The following ZBED4 variants were observed in gnomAD, a reference collection of about 807,000 sequenced individuals.
The protein encoded by ZBED4 is zinc finger BED domain-containing protein 4.
In ZBED4, 4 loss-of-function variants were observed where a neutral mutation model predicts 15.5. The ratio of observed to expected loss-of-function variants is 0.26; its 90% CI spans 0.13 to 0.59. The LOEUF (loss-of-function observed/expected upper bound fraction) is 0.59. Ranked by LOEUF, ZBED4 falls within the 20% of genes least tolerant of loss-of-function variation. The probability of loss-of-function intolerance (pLI) is 0.90; values close to 1 mark genes in which losing one functional copy is unlikely to be tolerated. For missense variants in ZBED4, 1,323 were observed against 1,461.8 expected (o/e 0.91, Z 1.55); for synonymous variants, 692 against 608.5 (o/e 1.14, Z -2.02).
At chr22:49,868,162 T>C (rs186290530) in intron 1 of ZBED4, among the ~76,000 whole-genome samples, 1 of 152,328 alleles carries the variant, frequency 6.6e-6, no homozygotes, top group African/African-American at 2.4e-5. Context: ...AAAGACCTTG[T>C]CAGTCTTCTT....
intron 1 of ZBED4, among the ~76,000 whole-genome samples, chr22:49,856,291 C>A (rs963249552): frequency 2.0e-5 from 3 of 152,162 alleles, no homozygotes; most frequent in African/African-American, 7.2e-5. Flanking sequence ...AGGCCCTGGC[C>A]GTAGGGAACA....
intron 1 of ZBED4, among the ~76,000 whole-genome samples, chr22:49,864,939 C>CA (rs1432264538): frequency 9.7e-5 from 1 of 10,314 alleles, no homozygotes; most frequent in African/African-American, 3.2e-4. Flanking sequence ...CCCAGCAAGC[C>CA]CCCCCCCCCC....
rs746368582 is a variant in ZBED4, at chr22:49,888,164, CTG to C, written c.*987_*988del. 1.2e-4 allele frequency: 20 copies of C among 167,292 alleles called. No individual in the cohort carries two copies. The highest frequency in any genetic ancestry group is 2.1e-4 in the Non-Finnish European group (14 of 68,110). The allele number at this position is 167,292 out of a possible 1,614,324, so 10.4% of individuals were successfully genotyped here. On this transcript the variant is annotated 3_prime_UTR_variant, in exon 2 of 2. Coordinates refer to ENST00000216268, the MANE Select transcript of ZBED4 (RefSeq NM_014838.3). Reference sequence around the variant, plus strand: ...TATGATAGGGAAGATGCGGCCATCACTGGGATATTTTCAAATCCCAAGGACAT... The same window carrying C: ...TATGATAGGGAAGATGCGGCCATCACGGATATTTTCAAATCCCAAGGACAT...
At chr22:49,878,911 G>A (rs975618740) in intron 1 of ZBED4, among the ~76,000 whole-genome samples, 10 of 151,936 alleles carry the variant, frequency 6.6e-5, no homozygotes, top group South Asian at 2.1e-4. Flanking sequence ...TTGGGAGGCC[G>A]AGGCGGGCAG....
At chr22:49,861,894 G>C (rs906887977) in intron 1 of ZBED4, among the ~76,000 whole-genome samples, 1 of 152,148 alleles carries the variant, frequency 6.6e-6, no homozygotes, top group South Asian at 2.1e-4. Context: ...TGTTCGTAGC[G>C]TGTGGTTGCT....
chr22:49,868,176 T>C (rs776988613), intron 1 of ZBED4, among the ~76,000 whole-genome samples: 7 of 152,222 alleles, frequency 4.6e-5, no homozygotes, highest in Non-Finnish European at 1.0e-4. Flanking sequence ...TCTTCTTTTT[T>C]GTTGTTGTTG....
chr22:49,858,353 T>C (rs1471037417), intron 1 of ZBED4, among the ~76,000 whole-genome samples: 1 of 152,208 alleles, frequency 6.6e-6, no homozygotes, highest in Non-Finnish European at 1.5e-5. Context: ...TGGTAGTTTA[T>C]GTCCTCAGGA....
At chr22:49,870,187 T>C (rs2060340073) in intron 1 of ZBED4, among the ~76,000 whole-genome samples, 1 of 152,158 alleles carries the variant, frequency 6.6e-6, no homozygotes, top group Non-Finnish European at 1.5e-5. Context: ...TAATATTCCA[T>C]GGTGTGGATA....
At chr22:49,855,522 G>T (rs2060271537) in intron 1 of ZBED4, among the ~76,000 whole-genome samples, 2 of 152,148 alleles carry the variant, frequency 1.3e-5, no homozygotes, top group Admixed American at 1.3e-4. Flanking sequence ...AATTACTAGG[G>T]GAGCGGACTG....
chr22:49,856,540 G>A (rs1416542981), intron 1 of ZBED4, among the ~76,000 whole-genome samples: 1 of 152,230 alleles, frequency 6.6e-6, no homozygotes, highest in Non-Finnish European at 1.5e-5. Context: ...CCTCCTGCCC[G>A]GCCCAAGCGC....
chr22:49,862,480 C>T (rs983005367), intron 1 of ZBED4, among the ~76,000 whole-genome samples: 2 of 152,064 alleles, frequency 1.3e-5, no homozygotes, highest in Non-Finnish European at 1.5e-5. Context: ...TGAATAAAAT[C>T]AGTGTCTAGC....
chr22:49,887,256 T>C lies in ZBED4; in HGVS notation c.*78T>C. 6.9e-7 allele frequency: 1 copy of C among 1,452,802 alleles called. No homozygotes were observed. The highest frequency in any genetic ancestry group is 1.4e-5 in the African/African-American group (1 of 70,244). 90.0% of individuals were successfully genotyped at this position (1,452,802 alleles called of 1,614,324 possible). On this transcript the variant is annotated 3_prime_UTR_variant, in exon 2 of 2. Coordinates refer to ENST00000216268, the MANE Select transcript of ZBED4 (RefSeq NM_014838.3). ...CCTGTACCAGGTCTATGACCCGCTC[T>C]GCCCACGGCTGTGTACGACATCAGA...
chr22:49,873,762 A>C (rs1387604658), intron 1 of ZBED4, among the ~76,000 whole-genome samples: 1 of 152,174 alleles, frequency 6.6e-6, no homozygotes, highest in Non-Finnish European at 1.5e-5. Context: ...GCTCAGAGAG[A>C]GTCAAGACCA....
Position 49,886,797 on chromosome 22 carries a change from C to T in ZBED4, c.3135C>T (p.Ala1045=), listed in dbSNP as rs1209643746. 12 of 1,612,974 alleles carry T rather than the reference C, an allele frequency of 7.4e-6. No homozygotes were observed. The highest frequency in any genetic ancestry group is 1.0e-5 in the Non-Finnish European group (12 of 1,179,464). ...LMNSTSEDVA[A]SHRCDAGSPS... is the part of the protein sequence containing the mutation. Reference sequence around the variant, plus strand: ...ATTCTACCTCAGAGGACGTGGCTGCCTCCCACAGGTGTGATGCTGGCTCCC... The same window carrying T: ...ATTCTACCTCAGAGGACGTGGCTGCTTCCCACAGGTGTGATGCTGGCTCCC... The change falls in exon 2 of 2, where the codon GCC becomes GCT. Residue 1045 remains alanine (A), a synonymous_variant. Transcript: ENST00000216268. The surrounding 1 kb of genome is among the most constrained non-coding windows in gnomAD (Gnocchi z 7.7).
At position 49,886,060 on chromosome 22, in the gene ZBED4, G is replaced by A. The variant is rs778125458; in HGVS notation, c.2398G>A (p.Gly800Ser). The change falls in exon 2 of 2, where the codon GGC becomes AGC. Residue 800 changes from glycine (G) to serine (S), a missense_variant. Physicochemically the swap from Gly to Ser is moderately conservative, Grantham distance 56. Around this residue, in one of 6 missense-constraint regions of ZBED4, gnomAD observed 100 missense variants for 79.3 expected, o/e 1.26. Transcript: ENST00000216268. This position sits in a 1 kb window ranked among gnomAD's most constrained non-coding sequence, Gnocchi z 7.7. ...GTGGGAAGCGTGGGTGACCTCCACC[G>A]GCCTTCAGGTGGGCATCACCGTCAC... ...CWWEAWVTST[G>S]LQVGITVTDN... 2.9e-6 allele frequency: 2 copies of A among 681,526 alleles called. No homozygotes were observed. Among genetic ancestry groups the A allele is most frequent in the Non-Finnish European group, 2.7e-6 (1 of 370,728 alleles). 42.2% of individuals were successfully genotyped at this position (681,526 alleles called of 1,614,324 possible).
intron 1 of ZBED4, among the ~76,000 whole-genome samples, chr22:49,855,385 G>T (rs1015876945): frequency 2.0e-5 from 3 of 152,168 alleles, no homozygotes; most frequent in Non-Finnish European, 4.4e-5. Flanking sequence ...TGAATAAGGT[G>T]GTTGATGTTG....
At chr22:49,878,769 G>A (rs1346137257) in intron 1 of ZBED4, among the ~76,000 whole-genome samples, 1 of 152,056 alleles carries the variant, frequency 6.6e-6, no homozygotes, top group African/African-American at 2.4e-5. Context: ...AAGACGAGGT[G>A]GGTGGATCAC....
At chr22:49,872,850 C>T (rs555052118) in intron 1 of ZBED4, among the ~76,000 whole-genome samples, 26 of 152,188 alleles carry the variant, frequency 1.7e-4, no homozygotes, top group African/African-American at 5.5e-4. Flanking sequence ...GGACCGCAGG[C>T]ACCTGCCGGC....
chr22:49,853,626 T>C (rs1229261592), upstream of ZBED4, among the ~76,000 whole-genome samples: 2 of 151,800 alleles, frequency 1.3e-5, no homozygotes, highest in Non-Finnish European at 2.9e-5. Flanking sequence ...TAGTTTGCCC[T>C]CCTGGACCCG....
Sources: gnomAD v4.1 joint callset for allele counts (sites outside exome capture counted in the v4.1 genomes callset) on GRCh38, gnomAD v4.1.1 for gene constraint, gnomAD v4.1.1 regional missense constraint, Gnocchi (gnomAD v3.1) non-coding constraint, MANE v1.5 for transcripts, NCBI Gene and HGNC (gene_info 2026-07-23, HGNC 2026-07-21) for gene names.